Variants in SH2D3C observed in about 807,000 individuals in gnomAD.
The protein encoded by SH2D3C is SH2 domain-containing protein 3C.
A neutral mutation model predicts 75.2 loss-of-function variants in SH2D3C; 25 were observed. The ratio of observed to expected loss-of-function variants is 0.33; its 90% CI spans 0.24 to 0.46. SH2D3C has a LOEUF of 0.46. SH2D3C is among the 20% of genes least tolerant of loss of function. The pLI, the probability that SH2D3C is intolerant of heterozygous loss-of-function variation, is 1.00. For missense variants in SH2D3C, 933 were observed against 1,165.3 expected, an observed-to-expected ratio of 0.80 and a Z score of 2.90; for synonymous variants, 450 against 473.7, an observed-to-expected ratio of 0.95 and a Z score of 0.65.
At chr9:127,745,455 CTTTTTTTTT>C (rs1190107937) in intron 6 of SH2D3C, among the ~76,000 whole-genome samples, 2 of 109,560 alleles carry the variant, frequency 1.8e-5, no homozygotes, top group South Asian at 2.9e-4. Context: ...TAATGATTTC[CTTTTTTTTT>C]TTTTTTTTTT....
At chr9:127,760,264 T>C (rs1845495107) in intron 3 of SH2D3C, among the ~76,000 whole-genome samples, 1 of 152,194 alleles carries the variant, frequency 6.6e-6, no homozygotes, top group Non-Finnish European at 1.5e-5. Context: ...TGGTGCTCCT[T>C]GCCCTCTGCC....
At chr9:127,753,534 C>T (rs944587491) in intron 3 of SH2D3C, among the ~76,000 whole-genome samples, 1 of 152,152 alleles carries the variant, frequency 6.6e-6, no homozygotes, top group Non-Finnish European at 1.5e-5. Flanking sequence ...ATCCTCCGGC[C>T]GTGGTAGAAA....
rs749546648 is a variant in SH2D3C at position 127,771,314 on chromosome 9, C to G, written c.515+2676G>C. The G allele has an allele frequency of 2.8e-6, 4 of 1,453,874 alleles. No individual in the cohort carries two copies. In the African/African-American group the frequency reaches 5.8e-5, roughly 21 times the overall value. 90.1% of individuals were successfully genotyped at this position (1,453,874 alleles called of 1,614,324 possible). On this transcript the variant is annotated intron_variant, in intron 2 of 11. Coordinates refer to ENST00000314830, the MANE Select transcript of SH2D3C (RefSeq NM_170600.3). Reference sequence around the variant, plus strand: ...TTTCTCGGGCCACTGAGCTGCAGAGCTCAGTGCCGGACTCCGGGGGCGGAG... The same window carrying G: ...TTTCTCGGGCCACTGAGCTGCAGAGGTCAGTGCCGGACTCCGGGGGCGGAG...
Position 127,739,836 on chromosome 9 carries a change from G to T in SH2D3C, c.2253C>A (p.Thr751=), listed in dbSNP as rs754697788. ...GTGGGGCCGAGTCACACTCCAGCAGGGTGATGAGGGGCAGCACATGAGGAA... is the reference window on the plus strand; with the variant it reads ...GTGGGGCCGAGTCACACTCCAGCAGTGTGATGAGGGGCAGCACATGAGGAA... ...TTFPHVLPLI[T]LLECDSAPPE... Residue 751 remains threonine, a synonymous_variant, in exon 11 of 12, where the codon ACC becomes ACA. Coordinates refer to ENST00000314830, the MANE Select transcript of SH2D3C (RefSeq NM_170600.3). This position sits in a 1 kb window ranked among gnomAD's most constrained non-coding sequence, Gnocchi z 4.3. 6.3e-6 allele frequency: 10 copies of T among 1,576,532 alleles called. No homozygotes were observed. In the South Asian group the frequency reaches 1.1e-4, roughly 18 times the overall value.
chr9:127,755,075 T>TCACCTG, intron 3 of SH2D3C: 6 of 1,200,178 alleles, frequency 5.0e-6, no homozygotes, highest in Non-Finnish European at 6.2e-6. Flanking sequence ...AGCCGCCCCC[T>TCACCTG]CACCTGCACC....
chr9:127,742,841 T>A lies in SH2D3C; in HGVS notation c.1916+8A>T. The A allele has an allele frequency of 1.9e-6, 3 of 1,608,004 alleles. No individual in the cohort carries two copies. Among genetic ancestry groups the A allele is most frequent in the Non-Finnish European group, 2.6e-6 (3 of 1,176,304 alleles). On this transcript the variant is annotated splice_region_variant and intron_variant, in intron 8 of 11. Coordinates refer to ENST00000314830, the MANE Select transcript of SH2D3C (RefSeq NM_170600.3). ...CCCGCGAGTCCCCGGGTGCCGGCGC[T>A]GTCTCACCTTTCCAGCAGGTCTAGG...
At position 127,740,255 on chromosome 9, in the gene SH2D3C, T is replaced by C. The variant is rs746069511; in HGVS notation, c.2200+3A>G. On this transcript the variant is annotated splice_donor_region_variant and intron_variant, in intron 10 of 11. Transcript: ENST00000314830. ...TGTCCAAGGTCACGCAACAAGGAAG[T>C]ACCTTTGCCCTCGTTGAGGCTCTTG... The C allele has an allele frequency of 5.6e-6, 9 of 1,612,206 alleles. No individual in the cohort carries two copies. The highest frequency in any genetic ancestry group is 5.3e-5 in the African/African-American group (4 of 74,894).
At chr9:127,740,973 G>T (rs913676978) in intron 9 of SH2D3C, among the ~76,000 whole-genome samples, 3 of 151,432 alleles carry the variant, frequency 2.0e-5, no homozygotes, top group Non-Finnish European at 4.4e-5. Flanking sequence ...GAGCTACCGC[G>T]CCTGGCTGTT....
At chr9:127,762,527 G>C (rs761131835) in intron 2 of SH2D3C, 2 of 438,874 alleles carry the variant, frequency 4.6e-6, no homozygotes, top group Non-Finnish European at 9.2e-6. Flanking sequence ...CTGCAGCTTT[G>C]GCCAAAAACC....
Position 127,754,924 on chromosome 9 carries a change from G to T in SH2D3C, c.556-3624C>A. 1 of 509,566 alleles carries T rather than the reference G, an allele frequency of 2.0e-6. No homozygotes were observed. The allele number at this position is 509,566 out of a possible 1,614,324, so 31.6% of individuals were successfully genotyped here. A position where few individuals can be genotyped will look rare whatever the true frequency, so the allele number is the denominator to read the frequency against. On this transcript the variant is annotated intron_variant, in intron 3 of 11. Coordinates refer to ENST00000314830, the MANE Select transcript of SH2D3C (RefSeq NM_170600.3). This position sits in a 1 kb window ranked among gnomAD's most constrained non-coding sequence, Gnocchi z 4.4. ...GGGCGCCCAGAGGTGAGGCTGGGGT[G>T]ACCCCGCCCCCTCCCCGGGTCGGCC...
chr9:127,761,337 C>T lies in SH2D3C; in HGVS notation c.555+274G>A, dbSNP rs559657459. Among the ~76,000 whole-genome samples, 6 of 152,274 alleles carry T rather than the reference C, an allele frequency of 3.9e-5. No homozygotes were observed. The East Asian group carries it at 1.2e-3, about 29-fold the overall frequency. ...TTACATGGAGACACTGTTGGGGCCC[C>T]GTCCAGCTGGCAAGTGAGTGGGGTC... On this transcript the variant is annotated intron_variant, in intron 3 of 11. Coordinates refer to ENST00000314830, the MANE Select transcript of SH2D3C (RefSeq NM_170600.3).
At chr9:127,758,831 TA>T (rs1036633970) in intron 3 of SH2D3C, among the ~76,000 whole-genome samples, 8 of 152,166 alleles carry the variant, frequency 5.3e-5, no homozygotes, top group Non-Finnish European at 1.2e-4. Flanking sequence ...GCTCCCCAAC[TA>T]AAAGTCATCC....
rs529491420 is a variant in SH2D3C, at chr9:127,764,509, G to C, written c.516-2859C>G. On this transcript the variant is annotated intron_variant, in intron 2 of 11. Coordinates refer to ENST00000314830, the MANE Select transcript of SH2D3C (RefSeq NM_170600.3). ...TCCAACCCACTTGCGTGGCCCCCCA[G>C]CTTCACTCACAGTAAGAGCCAAGGT... is the stretch of plus-strand genomic sequence containing the variant. Among the ~76,000 whole-genome samples the C allele has an allele frequency of 1.5e-4, 23 of 152,194 alleles. No homozygotes were observed. The South Asian group carries it at 4.8e-3, about 32-fold the overall frequency.
Position 127,744,882 on chromosome 9 carries a change from G to C in SH2D3C, c.1482C>G (p.His494Gln), listed in dbSNP as rs375317237. 3 of 1,613,714 alleles carry C rather than the reference G, an allele frequency of 1.9e-6. No individual in the cohort carries two copies. The highest frequency in any genetic ancestry group is 2.2e-5 in the East Asian group (1 of 44,876). ...GCACGGGAGGCTGGAGCTGGCAGTAGTGGCCAGAGTCCGGGTCACTGTAGC... is the reference window on the plus strand; with the variant it reads ...GCACGGGAGGCTGGAGCTGGCAGTACTGGCCAGAGTCCGGGTCACTGTAGC... ...LSSYSDPDSG[H>Q]YCQLQPPVRG... is the part of the protein sequence containing the mutation. The change falls in exon 7 of 12, where the codon CAC becomes CAG. Residue 494 changes from histidine (H) to glutamine (Q), a missense_variant. Physicochemically the swap from His to Gln is conservative, Grantham distance 24. Transcript: ENST00000314830.
rs1198976987 is a variant in SH2D3C at position 127,774,686 on chromosome 9, T to C, written c.38-219A>G. On this transcript the variant is annotated intron_variant, in intron 1 of 11. Transcript: ENST00000314830. The surrounding 1 kb of genome is among the most constrained non-coding windows in gnomAD (Gnocchi z 4.3). ...CTTGAATTCCTGCTCTTTCACATCC[T>C]AGCTGTGTGACCTTAGGCAAGTCAC... 1.3e-5 allele frequency among the ~76,000 whole-genome samples: 2 copies of C among 152,206 alleles called. No homozygotes were observed. The highest frequency in any genetic ancestry group is 2.1e-4 in the South Asian group (1 of 4,838).
intron 5 of SH2D3C, among the ~76,000 whole-genome samples, chr9:127,747,526 T>G (rs1370888577): frequency 1.3e-5 from 2 of 151,774 alleles, no homozygotes; most frequent in East Asian, 1.9e-4. Context: ...TTGTCTTTTT[T>G]CTTTTCTTTT....
At chr9:127,777,751 G>A (rs1025744105) in intron 1 of SH2D3C, among the ~76,000 whole-genome samples, 1 of 152,146 alleles carries the variant, frequency 6.6e-6, no homozygotes, top group Admixed American at 6.6e-5. Flanking sequence ...CACAGAGATG[G>A]AGAACGAAGT....
rs1297206906 is a variant in SH2D3C, at chr9:127,749,647, G to T, written c.703C>A (p.Gln235Lys). The T allele has an allele frequency of 6.4e-7, 1 of 1,557,294 alleles. No individual in the cohort carries two copies. Among genetic ancestry groups the T allele is most frequent in the African/African-American group, 1.4e-5 (1 of 73,512 alleles). Residue 235 changes from glutamine to lysine, a missense_variant, in exon 5 of 12, where the codon CAA (glutamine) becomes AAA (lysine). Physicochemically the swap from Gln to Lys is moderately conservative, Grantham distance 53. Transcript: ENST00000314830. The surrounding 1 kb of genome is among the most constrained non-coding windows in gnomAD (Gnocchi z 5.9). ...CGGATGAGGAAGTCGCCGTTGCGTTGTACCAAGGTCTCCGAGACCTGCAGA... is the reference window on the plus strand; with the variant it reads ...CGGATGAGGAAGTCGCCGTTGCGTTTTACCAAGGTCTCCGAGACCTGCAGA... ...IPREVSETLV[Q>K]RNGDFLIRDS...
At chr9:127,748,498 C>T (rs917776030) in intron 5 of SH2D3C, among the ~76,000 whole-genome samples, 15 of 152,194 alleles carry the variant, frequency 9.9e-5, no homozygotes, top group African/African-American at 3.4e-4. Context: ...TCAGAGTCTA[C>T]GGACCTGGGT....
Sources: gnomAD v4.1 joint callset for allele counts (sites outside exome capture counted in the v4.1 genomes callset) on GRCh38, gnomAD v4.1.1 for gene constraint, Gnocchi (gnomAD v3.1) non-coding constraint, MANE v1.5 for transcripts, NCBI Gene and HGNC (gene_info 2026-07-23, HGNC 2026-07-21) for gene names.